ZNF180: variants seen among roughly 807,000 people sequenced by gnomAD.
ZNF180 encodes the protein zinc finger protein 180 (HHZ168).
Under a neutral mutation model 11.8 loss-of-function variants are expected in ZNF180, and 11 were observed. The observed-to-expected ratio is 0.93, with a 90% CI of 0.59 to 1.55. ZNF180 has a LOEUF of 1.55. ZNF180 is among the 40% of genes most tolerant of loss of function. The probability of loss-of-function intolerance (pLI) is 0.00; values close to 1 mark genes in which losing one functional copy is unlikely to be tolerated. For synonymous variants in ZNF180, 287 were observed against 257.7 expected (o/e 1.11, Z -1.09); for missense variants, 773 against 781.7 (o/e 0.99, Z 0.13).
chr19:44,482,485 T>G (rs1276792474), intron 3 of ZNF180, among the ~76,000 whole-genome samples: 1 of 151,894 alleles, frequency 6.6e-6, no homozygotes, highest in Non-Finnish European at 1.5e-5. Flanking sequence ...AAAGAAGGAG[T>G]GCATGTCCTC....
At chr19:44,489,963 AAAGAAAAG>A (rs1414866654) in intron 2 of ZNF180, among the ~76,000 whole-genome samples, 2 of 143,180 alleles carry the variant, frequency 1.4e-5, no homozygotes, top group African/African-American at 5.4e-5. Context: ...GAAAAGAAAG[AAAGAAAAG>A]AAAGAAAGAA....
chr19:44,489,693 C>T (rs1179435286), intron 2 of ZNF180, among the ~76,000 whole-genome samples: 7 of 137,708 alleles, frequency 5.1e-5, no homozygotes, highest in African/African-American at 1.9e-4. Flanking sequence ...TCCTATGACC[C>T]TGCCAAATCC....
chr19:44,499,940 T>C (rs921218069), intron 1 of ZNF180, among the ~76,000 whole-genome samples: 1 of 152,142 alleles, frequency 6.6e-6, no homozygotes, highest in African/African-American at 2.4e-5. Flanking sequence ...CCGGACATCC[T>C]CAGGCCTCCA....
At chr19:44,481,968 C>G (rs1470704236) in intron 3 of ZNF180, among the ~76,000 whole-genome samples, 1 of 152,184 alleles carries the variant, frequency 6.6e-6, no homozygotes, top group Non-Finnish European at 1.5e-5. Flanking sequence ...TGCCTGAAAA[C>G]TCCTTCCCAA....
At chr19:44,479,444 A>G in intron 3 of ZNF180, 35 bp from the exon 4 acceptor site, 7 of 1,610,962 alleles carry the variant, frequency 4.3e-6, no homozygotes, top group Non-Finnish European at 5.9e-6. Flanking sequence ...TCAGCTGGGC[A>G]TCATTTCCTT....
chr19:44,492,016 A>G (rs1249989960), intron 2 of ZNF180, among the ~76,000 whole-genome samples: 1 of 152,230 alleles, frequency 6.6e-6, no homozygotes, highest in African/African-American at 2.4e-5. Context: ...CTGTCTTACC[A>G]AAGTCTGTCT....
At chr19:44,489,851 A>T (rs73040412) in intron 2 of ZNF180, among the ~76,000 whole-genome samples, 70,368 of 139,072 alleles carry the variant, frequency 0.51, 18,161 homozygotes, top group South Asian at 0.68. Flanking sequence ...AGAGATGAGA[A>T]GAGAAGAACA....
chr19:44,497,356 G>T lies in ZNF180; in HGVS notation c.-22C>A. On this transcript the variant is annotated 5_prime_UTR_variant, in exon 2 of 5. Transcript: ENST00000592529. ...CCATGCTCTCCTCCAGGCACAGCAG[G>T]GTGCTGAGGTCCTGAGCTGCACTGA... 6.3e-7 allele frequency: 1 copy of T among 1,596,238 alleles called. No homozygotes were observed. The highest frequency in any genetic ancestry group is 1.4e-5 in the African/African-American group (1 of 73,802).
chr19:44,477,638 A>C lies in ZNF180; in HGVS notation c.762T>G (p.Ser254=). Residue 254 remains serine, a synonymous_variant, in exon 5 of 5, where the codon TCT becomes TCG. Coordinates refer to ENST00000592529, the MANE Select transcript of ZNF180 (RefSeq NM_001278509.3). ...TATGTAGGGGTGTACCATGGCAAAA[A>C]GATTGAATACGGTCACTAAATCCAT... ...KSYGFSDRIQ[S]FCHGTPLHIH... 6.2e-7 allele frequency: 1 copy of C among 1,614,042 alleles called. No individual in the cohort carries two copies. The highest frequency in any genetic ancestry group is 8.5e-7 in the Non-Finnish European group (1 of 1,179,948).
Position 44,484,352 on chromosome 19 carries a change from C to T in ZNF180, c.126+9G>A. The stretch of plus-strand genomic sequence containing the variant: ...CTCAGTGTAAAGACAGAGGCCTTGC[C>T]CAACCTACCTGAGATGGGATGGTCA... On this transcript the variant is annotated intron_variant, in intron 3 of 4. Transcript: ENST00000592529. 6.2e-7 allele frequency: 1 copy of T among 1,609,162 alleles called. No homozygotes were observed. The highest frequency in any genetic ancestry group is 8.5e-7 in the Non-Finnish European group (1 of 1,175,518).
intron 1 of ZNF180, 158 bp downstream of exon 1, chr19:44,500,117 G>GT: frequency 1.3e-6 from 2 of 1,593,782 alleles, no homozygotes; most frequent in Non-Finnish European, 8.6e-7. Flanking sequence ...ATATACAGCT[G>GT]TATCAGTAAC....
chr19:44,497,230 C>A, intron 2 of ZNF180, 54 bp downstream of exon 2: 1 of 1,477,578 alleles, frequency 6.8e-7, no homozygotes, highest in Non-Finnish European at 9.0e-7. Context: ...CCACAGCCTC[C>A]CAAGCTGAGA....
intron 2 of ZNF180, among the ~76,000 whole-genome samples, chr19:44,492,993 A>C (rs1970487988): frequency 6.6e-6 from 1 of 152,170 alleles, no homozygotes; most frequent in Non-Finnish European, 1.5e-5. Context: ...CGTAAAACCA[A>C]TATTCACAAA....
intron 4 of ZNF180, 39 bp from the exon 5 acceptor site, chr19:44,478,185 A>G (rs1177550756): frequency 4.7e-6 from 7 of 1,493,354 alleles, no homozygotes; most frequent in Non-Finnish European, 6.2e-6. Flanking sequence ...GTCAAAAAAT[A>G]TTAGAGATGG....
chr19:44,484,360 C>CCTTGCCCAACCTACT lies in ZNF180; in HGVS notation c.126_126+1insAGTAGGTTGGGCAAG (p.Gln42_Glu43insSerArgLeuGlyLys). 6.2e-7 allele frequency: 1 copy of CCTTGCCCAACCTACT among 1,611,146 alleles called. No homozygotes were observed. Among genetic ancestry groups the CCTTGCCCAACCTACT allele is most frequent in the East Asian group, 2.2e-5 (1 of 44,864 alleles). ...AAAGACAGAGGCCTTGCCCAACCTA[C>CCTTGCCCAACCTACT]CTGAGATGGGATGGTCAGAGACCCA... On this transcript the variant is annotated inframe_insertion and splice_region_variant. Transcript: ENST00000592529.
In ZNF180 at chr19:44,484,418, T is replaced by C. The variant is rs1970169114; in HGVS notation, c.69A>G (p.Gln23=). 5 of 1,613,838 alleles carry C rather than the reference T, an allele frequency of 3.1e-6. No individual in the cohort carries two copies. Among genetic ancestry groups the C allele is most frequent in the South Asian group, 1.1e-5 (1 of 91,080 alleles). Residue 23 remains glutamine, a synonymous_variant, in exon 3 of 5, where the codon CAA becomes CAG. Transcript: ENST00000592529. ...KVCAQDSFLP[Q]EIIIKVEGED... is the part of the protein sequence containing the mutation. ...CTCCCTCGACTTTGATGATAATCTC[T>C]TGAGGAAGGAAAGAATCCTGAAAAG...
chr19:44,487,890 C>T (rs1970273066), intron 2 of ZNF180, among the ~76,000 whole-genome samples: 1 of 152,078 alleles, frequency 6.6e-6, no homozygotes, highest in Admixed American at 6.6e-5. Flanking sequence ...CCACGCCCAG[C>T]TAATTTTTGT....
At chr19:44,490,055 AGAGGGAAAGGAAG>A in intron 2 of ZNF180, among the ~76,000 whole-genome samples, 2 of 130,582 alleles carry the variant, frequency 1.5e-5, no homozygotes, top group South Asian at 2.6e-4. Context: ...GGGAAGGGAA[AGAGGGAAAGGAAG>A]GGAAAGAAAG....
rs1232579425 is a variant in ZNF180 at position 44,497,285 on chromosome 19, T to G, written c.50A>C (p.Gln17Pro). The change falls in exon 2 of 5, where the codon CAG becomes CCG. Residue 17 changes from glutamine to proline, a missense_variant and splice_region_variant. Transcript: ENST00000592529. ...CCCAAGCTCTGGGTCTCCACTCACC[T>G]GTGCACAGACCTTCGGGGGCTCTGG... ...KPPEPPKVCA[Q>P]DSFLPQEIII... is the part of the protein sequence containing the mutation. 1.3e-6 allele frequency: 2 copies of G among 1,586,476 alleles called. No individual in the cohort carries two copies. The highest frequency in any genetic ancestry group is 1.7e-6 in the Non-Finnish European group (2 of 1,171,400).
Sources: gnomAD v4.1 joint callset for allele counts (sites outside exome capture counted in the v4.1 genomes callset) on GRCh38, gnomAD v4.1.1 for gene constraint, MANE v1.5 for transcripts, NCBI Gene and HGNC (gene_info 2026-07-23, HGNC 2026-07-21) for gene names.